VPS13B: variants seen among roughly 807,000 people sequenced by gnomAD.
VPS13B encodes the protein vacuolar protein sorting 13 homolog B.
In VPS13B, 285 loss-of-function variants were observed where a neutral mutation model predicts 426.4. That is an observed-to-expected ratio of 0.67 (90% CI 0.61 to 0.74). The LOEUF is 0.74. VPS13B is among the 30% of genes least tolerant of loss of function. The pLI, the probability that VPS13B is intolerant of heterozygous loss-of-function variation, is 0.00. For missense variants in VPS13B, 4,537 were observed against 4,782.6 expected (o/e 0.95, Z 1.51); for synonymous variants, 1,676 against 1,676.4 (o/e 1.00, Z 0.01).
chr8:99,421,402 G>A (rs1588356882), intron 21 of VPS13B, among the ~76,000 whole-genome samples: 1 of 152,258 alleles, frequency 6.6e-6, no homozygotes, highest in East Asian at 1.9e-4. Flanking sequence ...TATTATCCAT[G>A]ATCCATAGTA....
chr8:99,583,464 T>C (rs1268174437), intron 33 of VPS13B, among the ~76,000 whole-genome samples: 1 of 152,218 alleles, frequency 6.6e-6, no homozygotes, highest in African/African-American at 2.4e-5. Flanking sequence ...TTGGGCTTTT[T>C]TGCTATGAAC....
intron 21 of VPS13B, among the ~76,000 whole-genome samples, chr8:99,427,870 T>C (rs141114135): frequency 6.6e-6 from 1 of 152,294 alleles, no homozygotes; most frequent in East Asian, 1.9e-4. Flanking sequence ...GGTATCAGGC[T>C]ACCTGACTTC....
At chr8:99,168,999 T>C (rs1812175173) in intron 15 of VPS13B, among the ~76,000 whole-genome samples, 1 of 152,026 alleles carries the variant, frequency 6.6e-6, no homozygotes, top group Admixed American at 6.5e-5. Context: ...TATTTGGAAG[T>C]AGCTTAATAC....
intron 4 of VPS13B, among the ~76,000 whole-genome samples, chr8:99,101,678 T>G (rs1846758376): frequency 6.6e-6 from 1 of 152,210 alleles, no homozygotes; most frequent in South Asian, 2.1e-4. Context: ...AAACCTCGAA[T>G]CTAAGTTGTA....
intron 17 of VPS13B, among the ~76,000 whole-genome samples, chr8:99,219,824 A>G (rs1358780150): frequency 6.6e-6 from 1 of 152,184 alleles, no homozygotes; most frequent in African/African-American, 2.4e-5. Context: ...GGGGACAAAC[A>G]TTCAAACCAT....
At chr8:99,413,808 C>T (rs1815830442) in intron 21 of VPS13B, among the ~76,000 whole-genome samples, 1 of 152,038 alleles carries the variant, frequency 6.6e-6, no homozygotes, top group Admixed American at 6.6e-5. Context: ...GTTATGATTT[C>T]CATTCTTTTG....
chr8:99,809,522 C>G lies in VPS13B; in HGVS notation c.8089C>G (p.Gln2697Glu), dbSNP rs1813590249. The change falls in exon 44 of 62, where the codon CAA becomes GAA. Residue 2697 changes from glutamine to glutamate, a missense_variant. Physicochemically the swap from Gln to Glu is conservative, Grantham distance 29. Around this residue, in one of 2 missense-constraint regions of VPS13B, gnomAD observed 4,311 missense variants for 4,474.3 expected, o/e 0.96. Transcript: ENST00000357162. Reference protein sequence around the residue: ...IIKVQQLNGVQKQIIICGRQI... With the variant: ...IIKVQQLNGVEKQIIICGRQI... Reference sequence around the variant, plus strand: ...CAAGGTTCAGCAACTCAATGGAGTACAAAAACAGGTAAGTTTCTTTGTGTT... The same window carrying G: ...CAAGGTTCAGCAACTCAATGGAGTAGAAAAACAGGTAAGTTTCTTTGTGTT... 2.5e-6 allele frequency: 4 copies of G among 1,613,944 alleles called. No individual in the cohort carries two copies. Among genetic ancestry groups the G allele is most frequent in the East Asian group, 2.2e-5 (1 of 44,836 alleles).
In VPS13B at chr8:99,475,482, A is replaced by G. The variant is rs565090209; in HGVS notation, c.3667-6117A>G. On this transcript the variant is annotated intron_variant, in intron 24 of 61. Coordinates refer to ENST00000357162, the MANE Select transcript of VPS13B (RefSeq NM_152564.5). ...AGCTGTCCTAGCTAACACAAAAAAT[A>G]TTCTTAGACTCCACTATTATTCATA... Among the ~76,000 whole-genome samples, 181 of 152,366 alleles carry G rather than the reference A, an allele frequency of 1.2e-3. 1 individual carries two copies. Among genetic ancestry groups the G allele is most frequent in the Non-Finnish European group, 2.0e-3 (133 of 68,034 alleles).
At chr8:99,258,712 C>T (rs1387374256) in intron 17 of VPS13B, among the ~76,000 whole-genome samples, 1 of 151,996 alleles carries the variant, frequency 6.6e-6, no homozygotes, top group African/African-American at 2.4e-5. Context: ...ACCTGAAAGA[C>T]TGTTTATTTC....
In VPS13B at chr8:99,085,496, T is replaced by G. The variant is rs919417121; in HGVS notation, c.292-10816T>G. On this transcript the variant is annotated intron_variant, in intron 3 of 61. Transcript: ENST00000357162. ...TTATGTGTGAATTTGATCCTGTCAG[T>G]ATGATGTTAGCTGATTATTTTGTTA... Among the ~76,000 whole-genome samples the G allele has an allele frequency of 2.6e-5, 4 of 152,340 alleles. 1 individual carries two copies. In the South Asian group the frequency reaches 8.3e-4, roughly 32 times the overall value.
At chr8:99,778,285 A>G (rs376296882) in intron 41 of VPS13B, among the ~76,000 whole-genome samples, 2 of 151,986 alleles carry the variant, frequency 1.3e-5, no homozygotes, top group Non-Finnish European at 1.5e-5. Context: ...TTCAGCAAAA[A>G]TGGAGTTTAA....
intron 17 of VPS13B, among the ~76,000 whole-genome samples, chr8:99,200,108 C>T (rs1170616807): frequency 6.6e-6 from 1 of 152,168 alleles, no homozygotes; most frequent in Non-Finnish European, 1.5e-5. Context: ...TATGGATGTG[C>T]CTATTGTGGA....
chr8:99,802,683 G>T (rs1813187594), intron 43 of VPS13B, among the ~76,000 whole-genome samples: 1 of 152,130 alleles, frequency 6.6e-6, no homozygotes, highest in South Asian at 2.1e-4. Flanking sequence ...TTACAAAAAT[G>T]GGGTGTACTG....
chr8:99,676,006 T>G (rs1267280095), intron 35 of VPS13B, among the ~76,000 whole-genome samples: 1 of 152,000 alleles, frequency 6.6e-6, no homozygotes, highest in African/African-American at 2.4e-5. Flanking sequence ...CTAGTTTTGT[T>G]TTTTTTTATT....
At chr8:99,115,907 T>A in intron 7 of VPS13B, 33 bp downstream of exon 7, 1 of 1,599,594 alleles carries the variant, frequency 6.3e-7, no homozygotes. Flanking sequence ...AAAAACTTTA[T>A]TTTAAGACTA....
intron 3 of VPS13B, among the ~76,000 whole-genome samples, chr8:99,044,915 C>T (rs1263703568): frequency 2.0e-5 from 3 of 151,060 alleles, no homozygotes; most frequent in Non-Finnish European, 2.9e-5. Flanking sequence ...CCCGCCCCCA[C>T]GGTTTCTTTA....
chr8:99,406,884 G>A (rs1416593545), intron 21 of VPS13B, among the ~76,000 whole-genome samples: 1 of 152,208 alleles, frequency 6.6e-6, no homozygotes, highest in East Asian at 1.9e-4. Flanking sequence ...CTTAGGATAG[G>A]TGTTAGATAG....
At chr8:99,831,161 C>T (rs182313496) in intron 51 of VPS13B, among the ~76,000 whole-genome samples, 1 of 147,166 alleles carries the variant, frequency 6.8e-6, no homozygotes, top group Non-Finnish European at 1.5e-5. Flanking sequence ...CAACCTCTGC[C>T]TCCTGGGTTC....
At chr8:99,369,857 AT>A (rs1325518422) in intron 19 of VPS13B, among the ~76,000 whole-genome samples, 2 of 152,058 alleles carry the variant, frequency 1.3e-5, no homozygotes, top group African/African-American at 4.8e-5. Context: ...GTGATTCTAT[AT>A]TTTTTATATA....
Sources: allele counts gnomAD v4.1 joint callset (sites outside exome capture counted in the v4.1 genomes callset), GRCh38; gene constraint gnomAD v4.1.1; regional missense constraint gnomAD v4.1.1; transcripts MANE v1.5; gene names NCBI Gene and HGNC (gene_info 2026-07-23, HGNC 2026-07-21).